Variants in CTIF observed in about 807,000 individuals in gnomAD.
CTIF encodes the protein cap binding complex dependent translation initiation factor, also known as CBP80/20-dependent translation initiation factor.
In CTIF, 21 loss-of-function variants were observed where a neutral mutation model predicts 66.0. That is an observed-to-expected ratio of 0.32 (90% CI 0.23 to 0.46). The LOEUF is 0.46. Ranked by LOEUF, CTIF falls within the 20% of genes least tolerant of loss-of-function variation. CTIF has a pLI of 1.00. For missense variants in CTIF, 739 were observed against 812.7 expected (o/e 0.91, Z 1.10); for synonymous variants, 345 against 326.4 (o/e 1.06, Z -0.62).
chr18:48,717,669 A>T (rs900652302), intron 7 of CTIF, among the ~76,000 whole-genome samples: 2 of 152,190 alleles, frequency 1.3e-5, no homozygotes, highest in African/African-American at 4.8e-5. Flanking sequence ...ATTAAAAAAA[A>T]TTTAAAGAAT....
At position 48,761,320 on chromosome 18, in the gene CTIF, C is replaced by T; in HGVS notation, c.1072-70C>T. On this transcript the variant is annotated intron_variant, in intron 8 of 11. Coordinates refer to ENST00000256413, the MANE Select transcript of CTIF (RefSeq NM_014772.3). This position sits in a 1 kb window ranked among gnomAD's most constrained non-coding sequence, Gnocchi z 4.2. ...CTTTCTGGGGGTGGCCACCCTCTTT[C>T]CACCAGGCCACCCCTGCACAGAGAC... The T allele has an allele frequency of 6.7e-7, 1 of 1,492,976 alleles. No homozygotes were observed. The highest frequency in any genetic ancestry group is 9.1e-7 in the Non-Finnish European group (1 of 1,097,596). The allele number at this position is 1,492,976 out of a possible 1,614,324, so 92.5% of individuals were successfully genotyped here.
At chr18:48,736,349 A>G (rs1032378316) in intron 7 of CTIF, among the ~76,000 whole-genome samples, 12 of 152,188 alleles carry the variant, frequency 7.9e-5, no homozygotes, top group Non-Finnish European at 1.6e-4. Flanking sequence ...GGGACCACTC[A>G]GCAGATACCA....
chr18:48,771,974 G>C (rs1910182598), intron 9 of CTIF, among the ~76,000 whole-genome samples: 1 of 152,274 alleles, frequency 6.6e-6, no homozygotes. Context: ...TCTCCCTGCG[G>C]GTTATGTAAC....
intron 7 of CTIF, among the ~76,000 whole-genome samples, chr18:48,719,037 G>A (rs771326842): frequency 6.6e-6 from 1 of 152,102 alleles, no homozygotes; most frequent in Non-Finnish European, 1.5e-5. Flanking sequence ...CTTTCTTTTT[G>A]CCACCTCTTA....
At chr18:48,672,250 C>A (rs535715943) in intron 6 of CTIF, among the ~76,000 whole-genome samples, 34 of 151,944 alleles carry the variant, frequency 2.2e-4, no homozygotes, top group Non-Finnish European at 4.3e-4. Context: ...TTCTTCAAAG[C>A]CCCTCATAAA....
chr18:48,757,139 A>G (rs1908444240), intron 7 of CTIF, among the ~76,000 whole-genome samples: 1 of 152,110 alleles, frequency 6.6e-6, no homozygotes, highest in African/African-American at 2.4e-5. Context: ...CTGTGTGTCA[A>G]AGGTTCCTCT....
intron 9 of CTIF, among the ~76,000 whole-genome samples, chr18:48,774,613 T>TC (rs1284805869): frequency 1.3e-5 from 2 of 151,470 alleles, no homozygotes; most frequent in Non-Finnish European, 2.9e-5. Flanking sequence ...CTCAAAATCG[T>TC]CCCCCCTCCA....
intron 1 of CTIF, among the ~76,000 whole-genome samples, chr18:48,603,630 G>GA (rs2090147850): frequency 6.6e-6 from 1 of 150,622 alleles, no homozygotes; most frequent in South Asian, 2.2e-4. Flanking sequence ...TGGATGGAAG[G>GA]ATGGATGGAT....
intron 7 of CTIF, among the ~76,000 whole-genome samples, chr18:48,741,420 C>CGT (rs762814814): frequency 2.9e-5 from 3 of 104,840 alleles, no homozygotes; most frequent in African/African-American, 1.2e-4. Context: ...GTGACCAGGG[C>CGT]TTTTTTTTTT....
intron 7 of CTIF, among the ~76,000 whole-genome samples, chr18:48,737,842 G>A (rs1207635516): frequency 6.6e-6 from 1 of 152,216 alleles, no homozygotes; most frequent in Non-Finnish European, 1.5e-5. Flanking sequence ...CATGTTAAAT[G>A]TTTCACATAA....
At chr18:48,770,497 C>T (rs1223618184) in intron 9 of CTIF, among the ~76,000 whole-genome samples, 2 of 152,254 alleles carry the variant, frequency 1.3e-5, no homozygotes, top group Non-Finnish European at 2.9e-5. Flanking sequence ...GAGCCTTGGA[C>T]AAAAGTCACT....
intron 1 of CTIF, among the ~76,000 whole-genome samples, chr18:48,571,528 T>C (rs910727122): frequency 4.6e-5 from 7 of 152,262 alleles, no homozygotes; most frequent in Admixed American, 2.0e-4. Flanking sequence ...TATATTCTTA[T>C]TCTTTCTTAT....
At chr18:48,541,768 A>G (rs2088626015) in intron 1 of CTIF, among the ~76,000 whole-genome samples, 1 of 152,188 alleles carries the variant, frequency 6.6e-6, no homozygotes, top group South Asian at 2.1e-4. Context: ...GTCATCAGTG[A>G]TTAACAGCTT....
intron 10 of CTIF, among the ~76,000 whole-genome samples, chr18:48,833,203 A>G (rs2068732110): frequency 6.6e-6 from 1 of 152,190 alleles, no homozygotes; most frequent in Non-Finnish European, 1.5e-5. Context: ...ACTGGAAAGC[A>G]ATTAGATGAG....
intron 5 of CTIF, 92 bp downstream of exon 5, chr18:48,664,643 G>A: frequency 9.1e-7 from 1 of 1,098,620 alleles, no homozygotes; most frequent in Non-Finnish European, 1.3e-6. Flanking sequence ...TGCTGCACAG[G>A]GGACTCAGGT....
In CTIF at chr18:48,636,675, C is replaced by A. The variant is rs1195341131; in HGVS notation, c.242C>A (p.Pro81His). 6.3e-7 allele frequency: 1 copy of A among 1,599,428 alleles called. No individual in the cohort carries two copies. Among genetic ancestry groups the A allele is most frequent in the Admixed American group, 1.7e-5 (1 of 57,592 alleles). ...TGTTCCTTCTCCCGAGGGCGAGCCC[C>A]CCCACAGCAGGTAGGGAACCAGCTC... ...SSCSFSRGRAPPQQNGSKDNS... is the reference protein window; with the variant it reads ...SSCSFSRGRAHPQQNGSKDNS... The change falls in exon 3 of 12, where the codon CCC becomes CAC. Residue 81 changes from proline to histidine, a missense_variant. Pro to His is a moderately conservative substitution (Grantham distance 77). This residue lies in a region of CTIF where 529 missense variants were observed against 520.3 expected (regional missense o/e 1.02). Transcript: ENST00000256413.
intron 7 of CTIF, among the ~76,000 whole-genome samples, chr18:48,741,060 GA>G (rs1242561437): frequency 7.9e-5 from 12 of 152,224 alleles, no homozygotes; most frequent in Non-Finnish European, 1.5e-5. Context: ...GGTGATGATT[GA>G]ATAAGCACAT....
intron 10 of CTIF, among the ~76,000 whole-genome samples, chr18:48,829,151 A>G (rs917508550): frequency 2.0e-5 from 3 of 152,176 alleles, no homozygotes; most frequent in African/African-American, 7.2e-5. Flanking sequence ...GTACCTTGCC[A>G]GAGTTGTGGG....
intron 10 of CTIF, among the ~76,000 whole-genome samples, chr18:48,851,471 T>C (rs188615884): frequency 2.6e-5 from 4 of 152,232 alleles, no homozygotes; most frequent in African/African-American, 4.8e-5. Context: ...AGCGTCTCCC[T>C]CTCTCCTCGG....
Sources: allele counts gnomAD v4.1 joint callset (sites outside exome capture counted in the v4.1 genomes callset), GRCh38; gene constraint gnomAD v4.1.1; regional missense constraint gnomAD v4.1.1; non-coding constraint Gnocchi (gnomAD v3.1); transcripts MANE v1.5; gene names NCBI Gene and HGNC (gene_info 2026-07-23, HGNC 2026-07-21).